KCNN3: variants seen among roughly 807,000 people sequenced by gnomAD.
KCNN3 encodes the protein small conductance calcium-activated potassium channel protein 3.
Under a neutral mutation model 62.9 loss-of-function variants are expected in KCNN3, and 16 were observed. That is an observed-to-expected ratio of 0.25 (90% CI 0.17 to 0.39). KCNN3 has a LOEUF of 0.39. Ranked by LOEUF, KCNN3 falls within the 10% of genes least tolerant of loss-of-function variation. The probability of loss-of-function intolerance (pLI) is 1.00; values close to 1 mark genes in which losing one functional copy is unlikely to be tolerated. For synonymous variants in KCNN3, 370 were observed against 389.2 expected (o/e 0.95, Z 0.58); for missense variants, 599 against 949.4 (o/e 0.63, Z 4.85).
intron 1 of KCNN3, among the ~76,000 whole-genome samples, chr1:154,865,591 G>T (rs1388747074): frequency 6.6e-6 from 1 of 152,190 alleles, no homozygotes; most frequent in Non-Finnish European, 1.5e-5. Context: ...GGCAGGAGCT[G>T]GGGATGTTCT....
Position 154,841,121 on chromosome 1 carries a change from C to T in KCNN3, c.934-18937G>A, listed in dbSNP as rs561646277. Among the ~76,000 whole-genome samples, 21 of 152,264 alleles carry T rather than the reference C, an allele frequency of 1.4e-4. No homozygotes were observed. The South Asian group carries it at 4.4e-3, about 32-fold the overall frequency. On this transcript the variant is annotated intron_variant, in intron 1 of 7. Coordinates refer to ENST00000271915, the MANE Select transcript of KCNN3 (RefSeq NM_002249.6). ...AGATGGTGAGGGCGCAAGGGAGGGT[C>T]TTTTCCGGGTAAAGATGGGCCGCTG...
At chr1:154,718,389 G>A (rs1372782870) in intron 5 of KCNN3, among the ~76,000 whole-genome samples, 2 of 152,266 alleles carry the variant, frequency 1.3e-5, no homozygotes, top group Non-Finnish European at 2.9e-5. Context: ...TGAAGACCTT[G>A]CAAATTATGG....
At chr1:154,755,898 A>T (rs1426615375) in intron 3 of KCNN3, among the ~76,000 whole-genome samples, 1 of 127,112 alleles carries the variant, frequency 7.9e-6, no homozygotes, top group Non-Finnish European at 1.6e-5. Flanking sequence ...AGGAGGAAGA[A>T]GAAGGAGGAG....
intron 3 of KCNN3, among the ~76,000 whole-genome samples, chr1:154,740,424 A>G (rs1185854586): frequency 3.3e-5 from 5 of 152,242 alleles, no homozygotes; most frequent in African/African-American, 1.2e-4. Flanking sequence ...TTGGGATTAC[A>G]GGCATGAGCC....
At chr1:154,771,160 C>T (rs1648544040) in intron 3 of KCNN3, among the ~76,000 whole-genome samples, 1 of 152,028 alleles carries the variant, frequency 6.6e-6, no homozygotes, top group Non-Finnish European at 1.5e-5. Flanking sequence ...AAAGGCAGCT[C>T]GAGGGTGGTG....
intron 5 of KCNN3, among the ~76,000 whole-genome samples, chr1:154,716,537 T>C (rs889506682): frequency 1.3e-5 from 2 of 152,256 alleles, no homozygotes; most frequent in South Asian, 2.1e-4. Flanking sequence ...TTTGTGTGTG[T>C]ATGTTTTAAA....
intron 4 of KCNN3, among the ~76,000 whole-genome samples, chr1:154,730,974 G>T (rs1400939637): frequency 4.6e-5 from 7 of 152,208 alleles, no homozygotes; most frequent in African/African-American, 9.7e-5. Flanking sequence ...AGAGCCAGGA[G>T]ATGCGGAGTC....
intron 2 of KCNN3, among the ~76,000 whole-genome samples, chr1:154,799,678 C>T (rs556319651): frequency 6.6e-6 from 1 of 152,310 alleles, no homozygotes; most frequent in Admixed American, 6.5e-5. Context: ...GCCTCCACTG[C>T]CTCCTTCCTG....
intron 2 of KCNN3, among the ~76,000 whole-genome samples, chr1:154,817,158 C>T (rs1424760078): frequency 1.3e-5 from 2 of 152,180 alleles, no homozygotes; most frequent in Non-Finnish European, 2.9e-5. Flanking sequence ...ATATTCAAAC[C>T]TACCCCCAAA....
intron 1 of KCNN3, among the ~76,000 whole-genome samples, chr1:154,841,418 C>T (rs1359326603): frequency 1.3e-5 from 2 of 152,190 alleles, no homozygotes; most frequent in African/African-American, 4.8e-5. Context: ...AGGGCAGTGA[C>T]ATCAGGTCAG....
rs989756628 is a variant in KCNN3 at position 154,704,355 on chromosome 1, T to TA, written c.*3620dup. ...TGGCAAGAGCAGTTCATAGACACTT[T>TA]ATGACAATTTATTGATGATGATCAT... is the stretch of plus-strand genomic sequence containing the variant. On this transcript the variant is annotated 3_prime_UTR_variant, in exon 8 of 8. Coordinates refer to ENST00000271915, the MANE Select transcript of KCNN3 (RefSeq NM_002249.6). 6.6e-6 allele frequency: 1 copy of TA among 152,244 alleles called. No individual in the cohort carries two copies. The highest frequency in any genetic ancestry group is 1.5e-5 in the Non-Finnish European group (1 of 68,046). The allele number at this position is 152,244 out of a possible 1,614,324, so 9.4% of individuals were successfully genotyped here.
chr1:154,829,246 A>T (rs1433563129), intron 1 of KCNN3, among the ~76,000 whole-genome samples: 1 of 152,246 alleles, frequency 6.6e-6, no homozygotes, highest in Non-Finnish European at 1.5e-5. Context: ...TGGGACAGCC[A>T]GGAATGGGCA....
At chr1:154,843,735 A>T (rs965929375) in intron 1 of KCNN3, among the ~76,000 whole-genome samples, 5 of 152,138 alleles carry the variant, frequency 3.3e-5, no homozygotes, top group African/African-American at 1.2e-4. Flanking sequence ...ACTCCTTCTC[A>T]CCCTTGCTTC....
At chr1:154,718,632 T>G (rs1014924929) in intron 5 of KCNN3, among the ~76,000 whole-genome samples, 18 of 152,168 alleles carry the variant, frequency 1.2e-4, no homozygotes, top group African/African-American at 4.3e-4. Flanking sequence ...GGTACCACAG[T>G]GAACAAATCA....
chr1:154,765,299 C>A (rs2101831533), intron 3 of KCNN3, among the ~76,000 whole-genome samples: 1 of 148,942 alleles, frequency 6.7e-6, no homozygotes, highest in African/African-American at 2.5e-5. Flanking sequence ...CCAAATTTAT[C>A]ATTTCTTCCT....
intron 3 of KCNN3, among the ~76,000 whole-genome samples, chr1:154,738,894 G>A (rs1056990220): frequency 6.6e-6 from 1 of 152,190 alleles, no homozygotes; most frequent in Non-Finnish European, 1.5e-5. Context: ...TCAAATTAGT[G>A]TTGACTGAGT....
intron 3 of KCNN3, among the ~76,000 whole-genome samples, chr1:154,752,307 A>AT (rs1647417424): frequency 6.6e-6 from 1 of 152,238 alleles, no homozygotes; most frequent in Non-Finnish European, 1.5e-5. Flanking sequence ...CTACACTGCC[A>AT]TTAGCACCAT....
At chr1:154,752,727 C>T (rs1386631219) in intron 3 of KCNN3, among the ~76,000 whole-genome samples, 1 of 152,156 alleles carries the variant, frequency 6.6e-6, no homozygotes, top group Non-Finnish European at 1.5e-5. Context: ...CATTATCACA[C>T]AGACATGCCC....
At chr1:154,760,037 A>C (rs1161681100) in intron 3 of KCNN3, among the ~76,000 whole-genome samples, 2 of 150,012 alleles carry the variant, frequency 1.3e-5, no homozygotes, top group East Asian at 3.9e-4. Context: ...TTTGAGACGG[A>C]GTCTCACTCT....
Sources: gnomAD v4.1 joint callset for allele counts (sites outside exome capture counted in the v4.1 genomes callset) on GRCh38, gnomAD v4.1.1 for gene constraint, MANE v1.5 for transcripts, NCBI Gene and HGNC (gene_info 2026-07-23, HGNC 2026-07-21) for gene names.